The following LGSN variants were observed in gnomAD, a reference collection of about 807,000 sequenced individuals.
LGSN encodes lengsin.
In LGSN, 21 loss-of-function variants were observed where a neutral mutation model predicts 19.5. The ratio of observed to expected loss-of-function variants is 1.07; its 90% CI spans 0.76 to 1.55. LGSN has a LOEUF of 1.55. LGSN is among the 40% of genes most tolerant of loss of function. The pLI, the probability that LGSN is intolerant of heterozygous loss-of-function variation, is 0.00. For missense variants in LGSN, 673 were observed against 608.5 expected (o/e 1.11, Z -1.12); for synonymous variants, 257 against 215.6 (o/e 1.19, Z -1.68).
At chr6:63,554,976 G>A in the LGSN span, among the ~76,000 whole-genome samples, 4 of 152,196 alleles carry the variant, frequency 2.6e-5, no homozygotes, top group Admixed American at 2.6e-4. Flanking sequence ...AATGTCGGAA[G>A]TTCTGAAGCA....
chr6:63,502,958 T>C, the LGSN span, among the ~76,000 whole-genome samples: 1 of 152,246 alleles, frequency 6.6e-6, no homozygotes, highest in Admixed American at 6.5e-5. Flanking sequence ...AATTAATTAA[T>C]CAATCGATGT....
the LGSN span, among the ~76,000 whole-genome samples, chr6:63,481,369 G>A: frequency 6.9e-6 from 1 of 145,692 alleles, no homozygotes; most frequent in Admixed American, 6.7e-5. Flanking sequence ...TTGAGACGGG[G>A]TCTGGCTCTG....
chr6:63,425,032 T>C, the LGSN span, among the ~76,000 whole-genome samples: 1 of 152,172 alleles, frequency 6.6e-6, no homozygotes, highest in African/African-American at 2.4e-5. Flanking sequence ...ATGTTCAACA[T>C]GATTACCAAT....
chr6:63,515,371 A>G, the LGSN span, among the ~76,000 whole-genome samples: 18 of 152,036 alleles, frequency 1.2e-4, no homozygotes, highest in African/African-American at 4.1e-4. Flanking sequence ...AGCTGGGATT[A>G]CAGGCACCCA....
At chr6:63,453,995 G>T in the LGSN span, among the ~76,000 whole-genome samples, 1 of 151,976 alleles carries the variant, frequency 6.6e-6, no homozygotes, top group South Asian at 2.1e-4. Context: ...AATAAACTAG[G>T]TACAGTTATT....
At chr6:63,424,189 C>T in the LGSN span, among the ~76,000 whole-genome samples, 1 of 152,056 alleles carries the variant, frequency 6.6e-6, no homozygotes, top group African/African-American at 2.4e-5. Context: ...CTACAAACAA[C>T]TGTATACATA....
At chr6:63,549,147 T>C in the LGSN span, 1 of 686,196 alleles carries the variant, frequency 1.5e-6, no homozygotes, top group Non-Finnish European at 2.6e-6. Flanking sequence ...GCCAGCAGCT[T>C]TCTTTTTGGC....
the LGSN span, among the ~76,000 whole-genome samples, chr6:63,408,043 T>G: frequency 3.2e-4 from 48 of 152,298 alleles, no homozygotes; most frequent in South Asian, 9.9e-3. Flanking sequence ...TACAAGGAAA[T>G]GGAAGAACAT....
In LGSN at chr6:63,279,778, CAAGATCTGGT is replaced by C; in HGVS notation, c.*233_*242del. The C allele has an allele frequency of 2.9e-6, 1 of 349,446 alleles. No homozygotes were observed. The highest frequency in any genetic ancestry group is 5.2e-6 in the Non-Finnish European group (1 of 192,682). 21.6% of individuals were successfully genotyped at this position (349,446 alleles called of 1,614,324 possible). ...CAACATACACATAGGAAATGACTGACAAGATCTGGTAAGTTTGCATATTATAGCTTCACCA... is the reference window on the plus strand; with the variant it reads ...CAACATACACATAGGAAATGACTGACAAGTTTGCATATTATAGCTTCACCA... On this transcript the variant is annotated 3_prime_UTR_variant, in exon 4 of 4. Coordinates refer to ENST00000370657, the MANE Select transcript of LGSN (RefSeq NM_016571.3).
At chr6:63,538,722 A>G in the LGSN span, among the ~76,000 whole-genome samples, 7 of 152,322 alleles carry the variant, frequency 4.6e-5, no homozygotes, top group East Asian at 1.3e-3. Flanking sequence ...TAGCTGTCCC[A>G]GAATCACATG....
Position 63,279,799 on chromosome 6 carries a change from A to G in LGSN, c.*222T>C, listed in dbSNP as rs1767216769. ...CTGACAAGATCTGGTAAGTTTGCAT[A>G]TTATAGCTTCACCACAACTTTGTTG... On this transcript the variant is annotated 3_prime_UTR_variant, in exon 4 of 4. Transcript: ENST00000370657. 1 of 436,446 alleles carries G rather than the reference A, an allele frequency of 2.3e-6. No homozygotes were observed. Among genetic ancestry groups the G allele is most frequent in the Non-Finnish European group, 4.1e-6 (1 of 244,766 alleles). The allele number at this position is 436,446 out of a possible 1,614,324, so 27.0% of individuals were successfully genotyped here. A position where few individuals can be genotyped will look rare whatever the true frequency, so the allele number is the denominator to read the frequency against.
the LGSN span, among the ~76,000 whole-genome samples, chr6:63,505,803 G>A: frequency 6.6e-6 from 1 of 152,016 alleles, no homozygotes; most frequent in South Asian, 2.1e-4. Context: ...GGGACTATAG[G>A]TGTGCACCAC....
chr6:63,437,671 G>C, the LGSN span, among the ~76,000 whole-genome samples: 1 of 152,112 alleles, frequency 6.6e-6, no homozygotes, highest in Admixed American at 6.5e-5. Flanking sequence ...AGTGGTTCAC[G>C]CCTGTAATCC....
chr6:63,399,675 T>A, the LGSN span, among the ~76,000 whole-genome samples: 8 of 151,260 alleles, frequency 5.3e-5, no homozygotes. Flanking sequence ...GGATTATAGG[T>A]GTGAGCCACT....
At chr6:63,353,136 T>G in the LGSN span, among the ~76,000 whole-genome samples, 1 of 152,016 alleles carries the variant, frequency 6.6e-6, no homozygotes, top group East Asian at 1.9e-4. Flanking sequence ...AATGATGAGA[T>G]TGGTTATTGA....
the LGSN span, chr6:63,441,432 TC>T: frequency 2.2e-6 from 1 of 455,528 alleles, no homozygotes. Context: ...AACCTCTGGA[TC>T]CCGGCCTGGC....
the LGSN span, among the ~76,000 whole-genome samples, chr6:63,454,833 C>T: frequency 9.9e-6 from 1 of 101,394 alleles, no homozygotes; most frequent in African/African-American, 4.0e-5. Context: ...CTTTGTCTGT[C>T]ACCCAGGCTG....
the LGSN span, among the ~76,000 whole-genome samples, chr6:63,526,916 T>C: frequency 7.8e-4 from 118 of 151,070 alleles, no homozygotes; most frequent in African/African-American, 2.6e-3. Flanking sequence ...AAATGTTGGA[T>C]TTATATGTAA....
chr6:63,460,982 C>A, the LGSN span, among the ~76,000 whole-genome samples: 1 of 152,192 alleles, frequency 6.6e-6, no homozygotes, highest in Non-Finnish European at 1.5e-5. Context: ...GGGGGCCAAG[C>A]GTCCCTCAGG....
Sources: allele counts gnomAD v4.1 joint callset (sites outside exome capture counted in the v4.1 genomes callset), GRCh38; gene constraint gnomAD v4.1.1; transcripts MANE v1.5; gene names NCBI Gene and HGNC (gene_info 2026-07-23, HGNC 2026-07-21).